CADM1: variants seen among roughly 807,000 people sequenced by gnomAD.
CADM1 encodes TSLC-1.
CADM1 carries 15 observed loss-of-function variants against 53.1 expected under a neutral mutation model. That is an observed-to-expected ratio of 0.28 (90% CI 0.19 to 0.44). The LOEUF is 0.44. Ranked by LOEUF, CADM1 falls within the 20% of genes least tolerant of loss-of-function variation. The probability of loss-of-function intolerance (pLI) is 1.00; values close to 1 mark genes in which losing one functional copy is unlikely to be tolerated. For synonymous variants in CADM1, 281 were observed against 243.0 expected, an observed-to-expected ratio of 1.16 and a Z score of -1.45; for missense variants, 434 against 611.3, an observed-to-expected ratio of 0.71 and a Z score of 3.06.
At chr11:115,447,991 C>T (rs922723996) in intron 1 of CADM1, among the ~76,000 whole-genome samples, 2 of 152,138 alleles carry the variant, frequency 1.3e-5, no homozygotes, top group Non-Finnish European at 2.9e-5. Context: ...TTACTTCTTA[C>T]TAGCAAGTCC....
chr11:115,398,711 C>T (rs940925799), intron 1 of CADM1, among the ~76,000 whole-genome samples: 37 of 152,150 alleles, frequency 2.4e-4, no homozygotes, highest in African/African-American at 8.9e-4. Context: ...TATTTATTTA[C>T]AGGGATTCCA....
At chr11:115,377,644 A>G (rs1465895935) in intron 1 of CADM1, 1 of 152,216 alleles carries the variant, frequency 6.6e-6, no homozygotes, top group Non-Finnish European at 1.5e-5. Context: ...TAATTCATAT[A>G]CCTAGGCCTA....
intron 1 of CADM1, among the ~76,000 whole-genome samples, chr11:115,467,061 C>T (rs1425797507): frequency 6.6e-6 from 1 of 152,106 alleles, no homozygotes; most frequent in Non-Finnish European, 1.5e-5. Flanking sequence ...CATTTTAATG[C>T]ATTAGTTATA....
intron 1 of CADM1, among the ~76,000 whole-genome samples, chr11:115,310,071 A>T (rs764965379): frequency 4.6e-5 from 7 of 152,118 alleles, no homozygotes; most frequent in Non-Finnish European, 7.4e-5. Flanking sequence ...TATTACCTAA[A>T]TGTTTATTTT....
intron 1 of CADM1, among the ~76,000 whole-genome samples, chr11:115,460,418 G>C (rs1948769897): frequency 6.6e-6 from 1 of 152,108 alleles, no homozygotes; most frequent in Non-Finnish European, 1.5e-5. Flanking sequence ...ACTACACACA[G>C]CTTTACTAGC....
rs534056024 is a variant in CADM1 at position 115,273,429 on chromosome 11, G to A, written c.125-33009C>T. ...AAATAGCTCTTTTAGCTAGAAATGA[G>A]AAACAAGAAGTCATACCAGATATCA... On this transcript the variant is annotated intron_variant, in intron 1 of 11. Coordinates refer to ENST00000331581, the MANE Select transcript of CADM1 (RefSeq NM_001301043.2). 4.6e-5 allele frequency among the ~76,000 whole-genome samples: 7 copies of A among 152,070 alleles called. No individual in the cohort carries two copies. The South Asian group carries it at 1.5e-3, about 32-fold the overall frequency.
intron 9 of CADM1, 39 bp downstream of exon 9, chr11:115,198,367 A>C: frequency 6.5e-7 from 1 of 1,539,356 alleles, no homozygotes; most frequent in Non-Finnish European, 8.8e-7. Context: ...GCCTCTCAGC[A>C]GTGCTGAGAA....
intron 1 of CADM1, among the ~76,000 whole-genome samples, chr11:115,400,757 G>C (rs1350604500): frequency 1.4e-5 from 2 of 140,890 alleles, no homozygotes; most frequent in Non-Finnish European, 3.0e-5. Flanking sequence ...CTCCACATCA[G>C]ATTTCATCAG....
intron 1 of CADM1, among the ~76,000 whole-genome samples, chr11:115,291,401 G>A (rs990349951): frequency 6.6e-6 from 1 of 152,048 alleles, no homozygotes; most frequent in African/African-American, 2.4e-5. Flanking sequence ...TTCTGCATTG[G>A]GTTACTAAAA....
chr11:115,476,403 ATTTG>A (rs910560092), intron 1 of CADM1, among the ~76,000 whole-genome samples: 23 of 152,136 alleles, frequency 1.5e-4, no homozygotes, highest in African/African-American at 3.1e-4. Flanking sequence ...ATGATTGGTG[ATTTG>A]TTTGTTTGAT....
chr11:115,414,912 C>T (rs1947555657), intron 1 of CADM1, among the ~76,000 whole-genome samples: 2 of 152,166 alleles, frequency 1.3e-5, no homozygotes, highest in Admixed American at 1.3e-4. Flanking sequence ...CTGTGAAATT[C>T]CGGTGCCTGA....
chr11:115,258,096 T>G (rs1565329049), intron 1 of CADM1, among the ~76,000 whole-genome samples: 1 of 152,226 alleles, frequency 6.6e-6, no homozygotes, highest in Non-Finnish European at 1.5e-5. Context: ...CCGGATAAAC[T>G]TGGGAAGGTT....
At chr11:115,195,062 C>G (rs1336826445) in intron 9 of CADM1, among the ~76,000 whole-genome samples, 1 of 152,190 alleles carries the variant, frequency 6.6e-6, no homozygotes, top group Non-Finnish European at 1.5e-5. Flanking sequence ...AGGATGAGCT[C>G]CAAAAACACA....
At chr11:115,391,083 T>G (rs1421273338) in intron 1 of CADM1, among the ~76,000 whole-genome samples, 1 of 152,212 alleles carries the variant, frequency 6.6e-6, no homozygotes, top group Non-Finnish European at 1.5e-5. Flanking sequence ...GTTCCTCTCA[T>G]GTTTTATGAA....
intron 3 of CADM1, among the ~76,000 whole-genome samples, chr11:115,236,370 A>G (rs1372228119): frequency 4.6e-5 from 7 of 152,232 alleles, no homozygotes. Context: ...TTACTCTGTC[A>G]AGGAATCCTA....
At chr11:115,247,437 C>A (rs1000959022) in intron 1 of CADM1, among the ~76,000 whole-genome samples, 23 of 152,094 alleles carry the variant, frequency 1.5e-4, no homozygotes, top group Non-Finnish European at 2.4e-4. Flanking sequence ...CAGTATTAAG[C>A]AAAAGGCCTG....
chr11:115,493,692 T>C (rs771135766), intron 1 of CADM1, among the ~76,000 whole-genome samples: 8 of 152,128 alleles, frequency 5.3e-5, no homozygotes, highest in Non-Finnish European at 1.2e-4. Flanking sequence ...TACAAGGAAG[T>C]TGGCAGTATC....
chr11:115,461,987 A>G (rs931035134), intron 1 of CADM1, among the ~76,000 whole-genome samples: 1 of 152,226 alleles, frequency 6.6e-6, no homozygotes, highest in Non-Finnish European at 1.5e-5. Flanking sequence ...AAAGGGAAGC[A>G]AATAACCGAG....
intron 10 of CADM1, among the ~76,000 whole-genome samples, chr11:115,180,464 C>T (rs1372121627): frequency 6.6e-6 from 1 of 152,052 alleles, no homozygotes; most frequent in African/African-American, 2.4e-5. Context: ...CCAATTAGCC[C>T]GCTCTGAGCT....
Sources: gnomAD v4.1 joint callset for allele counts (sites outside exome capture counted in the v4.1 genomes callset) on GRCh38, gnomAD v4.1.1 for gene constraint, MANE v1.5 for transcripts, NCBI Gene and HGNC (gene_info 2026-07-23, HGNC 2026-07-21) for gene names.